Variants in DNAJC2 observed in about 807,000 individuals in gnomAD.
DNAJC2 encodes DnaJ heat shock protein family (Hsp40) member C2, also known as dnaJ homolog subfamily C member 2.
A neutral mutation model predicts 94.0 loss-of-function variants in DNAJC2; 32 were observed. The observed-to-expected ratio is 0.34, with a 90% CI of 0.26 to 0.46. The LOEUF is 0.46. Among genes scored for constraint, DNAJC2 ranks in the 20% least tolerant of loss-of-function variants. The pLI, the probability that DNAJC2 is intolerant of heterozygous loss-of-function variation, is 1.00. For missense variants in DNAJC2, 550 were observed against 719.5 expected (o/e 0.76, Z 2.69); for synonymous variants, 210 against 229.7 (o/e 0.91, Z 0.77).
At chr7:103,337,704 ATT>A in intron 3 of DNAJC2, 30 bp downstream of exon 3, 1 of 1,539,062 alleles carries the variant, frequency 6.5e-7, no homozygotes, top group South Asian at 1.1e-5. Context: ...TATACAAGAT[ATT>A]TGATTATTTC....
At position 103,327,646 on chromosome 7, in the gene DNAJC2, AT is replaced by A; in HGVS notation, c.430+9del. 1 of 1,549,328 alleles carries A rather than the reference AT, an allele frequency of 6.5e-7. No individual in the cohort carries two copies. The highest frequency in any genetic ancestry group is 8.9e-7 in the Non-Finnish European group (1 of 1,128,500). On this transcript the variant is annotated intron_variant, in intron 4 of 16. Coordinates refer to ENST00000379263, the MANE Select transcript of DNAJC2 (RefSeq NM_014377.3). ...TATTAGAAATTCCTGACTCTAAAGC[AT>A]TTTCTTACCTTTAGTTATGCAAGTG...
rs760661476 is a variant in DNAJC2 at position 103,344,619 on chromosome 7, G to C, written c.4C>G (p.Leu2Val). The C allele has an allele frequency of 6.2e-7, 1 of 1,610,684 alleles. No individual in the cohort carries two copies. The highest frequency in any genetic ancestry group is 8.5e-7 in the Non-Finnish European group (1 of 1,179,940). ...CCGTCCGCGGCGCTTGGCAGAAGCA[G>C]CATGATGGCGCCGGGTCTAGCCCGG... is the stretch of plus-strand genomic sequence containing the variant. The part of the protein sequence containing the change: M[L>V]LLPSAADGRG... The change falls in exon 1 of 17, where the codon CTG becomes GTG. Residue 2 changes from leucine to valine, a missense_variant. This residue lies in a region of DNAJC2 where 279 missense variants were observed against 416.9 expected (regional missense o/e 0.67). Coordinates refer to ENST00000379263, the MANE Select transcript of DNAJC2 (RefSeq NM_014377.3).
chr7:103,312,303 G>GTATT lies in DNAJC2; in HGVS notation c.*262_*265dup. 1 of 1,605,310 alleles carries GTATT rather than the reference G, an allele frequency of 6.2e-7. No homozygotes were observed. Among genetic ancestry groups the GTATT allele is most frequent in the Non-Finnish European group, 8.5e-7 (1 of 1,179,602 alleles). ...CCTAATCAAGATTGTTTGAACACAT[G>GTATT]TATTTATAAAACAGAGCTAGAGAAA... On this transcript the variant is annotated 3_prime_UTR_variant, in exon 17 of 17. Coordinates refer to ENST00000379263, the MANE Select transcript of DNAJC2 (RefSeq NM_014377.3).
chr7:103,327,949 T>C (rs923183524), intron 3 of DNAJC2, among the ~76,000 whole-genome samples, 195 bp from the exon 4 acceptor site: 1 of 152,168 alleles, frequency 6.6e-6, no homozygotes, highest in Admixed American at 6.5e-5. Context: ...AGACAGAGTT[T>C]TGCTCTTGTT....
chr7:103,321,881 T>C (rs368626236), intron 10 of DNAJC2, 51 bp downstream of exon 10: 1 of 1,555,672 alleles, frequency 6.4e-7, no homozygotes, highest in South Asian at 1.2e-5. Flanking sequence ...TATTTTTGCT[T>C]AATAAGCAAC....
intron 16 of DNAJC2, 49 bp from the exon 17 acceptor site, chr7:103,312,692 A>G: frequency 6.2e-7 from 1 of 1,603,558 alleles, no homozygotes; most frequent in Non-Finnish European, 8.5e-7. Context: ...TTAAAAACAG[A>G]CATTTTAATC....
intron 3 of DNAJC2, among the ~76,000 whole-genome samples, chr7:103,334,905 C>T (rs1364239918): frequency 6.6e-6 from 1 of 152,194 alleles, no homozygotes; most frequent in Non-Finnish European, 1.5e-5. Flanking sequence ...GCAATCTCGG[C>T]TGGCTGCAAC....
intron 6 of DNAJC2, among the ~76,000 whole-genome samples, chr7:103,324,198 A>T (rs1013161330): frequency 7.9e-5 from 12 of 152,214 alleles, no homozygotes; most frequent in African/African-American, 2.9e-4. Flanking sequence ...CTTCCTCATG[A>T]ACTCAAGTAC....
At chr7:103,325,235 G>C (rs754844281) in intron 5 of DNAJC2, among the ~76,000 whole-genome samples, 22 of 152,214 alleles carry the variant, frequency 1.4e-4, no homozygotes, top group African/African-American at 2.4e-5. Context: ...CCTGAGGCCA[G>C]GAGTTTGAGA....
At chr7:103,323,720 T>C (rs1818548555) in intron 6 of DNAJC2, 57 bp from the exon 7 acceptor site, 2 of 1,241,496 alleles carry the variant, frequency 1.6e-6, no homozygotes, top group Non-Finnish European at 2.2e-6. Flanking sequence ...AAAAATTCTT[T>C]TTAATGCAAG....
chr7:103,320,798 C>CTA lies in DNAJC2; in HGVS notation c.1084-956_1084-955dup, dbSNP rs1818357638. 3 of 156,740 alleles carry CTA rather than the reference C, an allele frequency of 1.9e-5. No homozygotes were observed. The East Asian group carries it at 5.6e-4, about 29-fold the overall frequency. 9.7% of individuals were successfully genotyped at this position (156,740 alleles called of 1,614,324 possible). The stretch of plus-strand genomic sequence containing the variant: ...ATATATATATATTCTGAAACTGTGT[C>CTA]TATATTCATATCTTCAGTTATCTCA... On this transcript the variant is annotated intron_variant, in intron 10 of 16. Coordinates refer to ENST00000379263, the MANE Select transcript of DNAJC2 (RefSeq NM_014377.3).
chr7:103,338,594 C>T lies in DNAJC2; in HGVS notation c.256-783G>A, dbSNP rs180784538. 2.8e-3 allele frequency among the ~76,000 whole-genome samples: 418 copies of T among 151,852 alleles called. 8 individuals carry two copies. Among genetic ancestry groups the T allele is most frequent in the Admixed American group, 0.025 (387 of 15,254 alleles). On this transcript the variant is annotated intron_variant, in intron 2 of 16. Coordinates refer to ENST00000379263, the MANE Select transcript of DNAJC2 (RefSeq NM_014377.3). ...GATTACAGGTGTGAGCCACTGCACC[C>T]GGCCAAGACCCTGTCTTTAAAAAAA...
At chr7:103,327,971 A>C (rs1488251640) in intron 3 of DNAJC2, among the ~76,000 whole-genome samples, 1 of 152,024 alleles carries the variant, frequency 6.6e-6, no homozygotes, top group Non-Finnish European at 1.5e-5. Context: ...CCCAGGCTGG[A>C]GTGTAATGGC....
At chr7:103,328,783 A>G in intron 3 of DNAJC2, 1 of 279,008 alleles carries the variant, frequency 3.6e-6, no homozygotes, top group Non-Finnish European at 6.9e-6. Flanking sequence ...TGCTTAATAC[A>G]GTATTTCAAG....
chr7:103,324,173 A>G (rs2115904290), intron 6 of DNAJC2, among the ~76,000 whole-genome samples: 1 of 152,350 alleles, frequency 6.6e-6, no homozygotes, highest in East Asian at 1.9e-4. Flanking sequence ...TTACAGAGAC[A>G]AATAGCACTG....
At chr7:103,332,007 ATT>A (rs56703501) in intron 3 of DNAJC2, among the ~76,000 whole-genome samples, 11,551 of 134,060 alleles carry the variant, frequency 0.086, 1,402 homozygotes, top group African/African-American at 0.28. Context: ...TAAATTTGCT[ATT>A]TTTTTTTTTT....
At chr7:103,343,616 G>A (rs1217435758) in intron 1 of DNAJC2, among the ~76,000 whole-genome samples, 1 of 152,182 alleles carries the variant, frequency 6.6e-6, no homozygotes, top group African/African-American at 2.4e-5. Context: ...TTACAAACTT[G>A]TAGTAAAGGT....
chr7:103,327,461 G>A (rs1434426444), intron 4 of DNAJC2, 195 bp downstream of exon 4: 4 of 724,174 alleles, frequency 5.5e-6, no homozygotes, highest in Non-Finnish European at 9.1e-6. Context: ...TGTTGCTGAT[G>A]CTGCTGGCTG....
intron 3 of DNAJC2, chr7:103,328,826 G>C (rs1374636453): frequency 9.8e-6 from 3 of 306,584 alleles, no homozygotes; most frequent in Non-Finnish European, 1.8e-5. Flanking sequence ...TTTCTCTACT[G>C]TTGGACATTT....
Sources: allele counts gnomAD v4.1 joint callset (sites outside exome capture counted in the v4.1 genomes callset), GRCh38; gene constraint gnomAD v4.1.1; regional missense constraint gnomAD v4.1.1; transcripts MANE v1.5; gene names NCBI Gene and HGNC (gene_info 2026-07-23, HGNC 2026-07-21).